The following IFFO1 variants were observed in gnomAD, a reference collection of about 807,000 sequenced individuals.
IFFO1 encodes non-homologous end joining factor IFFO1.
Under a neutral mutation model 59.6 loss-of-function variants are expected in IFFO1, and 42 were observed. That is an observed-to-expected ratio of 0.70 (90% CI 0.55 to 0.91). The LOEUF (loss-of-function observed/expected upper bound fraction) is 0.91, where lower values mean the gene tolerates loss of function less well. IFFO1 is among the 40% of genes least tolerant of loss of function. IFFO1 has a pLI of 0.00. For missense variants in IFFO1, 711 were observed against 793.2 expected (o/e 0.90, Z 1.24); for synonymous variants, 336 against 342.8 (o/e 0.98, Z 0.22).
chr12:6,548,526 C>T lies in IFFO1; in HGVS notation c.1282G>A (p.Asp428Asn). ...TCCCAAGTCAGGCTGTCACAGTCGTCCTCAAAATCATACTCCCTCCTAGAG... is the reference window on the plus strand; with the variant it reads ...TCCCAAGTCAGGCTGTCACAGTCGTTCTCAAAATCATACTCCCTCCTAGAG... The part of the protein sequence containing the change: ...LNQLREYDFE[D>N]DCDSLTWEET... Residue 428 changes from aspartate (D) to asparagine (N), a missense_variant, in exon 7 of 10, where the codon GAC becomes AAC. Asp to Asn is a conservative substitution (Grantham distance 23, BLOSUM62 1). Around this residue, in one of 3 missense-constraint regions of IFFO1, gnomAD observed 579 missense variants for 650.3 expected, o/e 0.89. Coordinates refer to ENST00000619571, the MANE Select transcript of IFFO1 (RefSeq NM_001193457.2). This position sits in a 1 kb window ranked among gnomAD's most constrained non-coding sequence, Gnocchi z 6.1. The T allele has an allele frequency of 1.2e-6, 2 of 1,613,904 alleles. No individual in the cohort carries two copies. The highest frequency in any genetic ancestry group is 1.7e-6 in the Non-Finnish European group (2 of 1,179,874).
In IFFO1 at chr12:6,555,887, G is replaced by C; in HGVS notation, c.143C>G (p.Pro48Arg). 6.3e-7 allele frequency: 1 copy of C among 1,586,898 alleles called. No individual in the cohort carries two copies. The highest frequency in any genetic ancestry group is 8.5e-7 in the Non-Finnish European group (1 of 1,169,752). Residue 48 changes from proline to arginine, a missense_variant, in exon 1 of 10, where the codon CCT (proline) becomes CGT (arginine). By Grantham distance (103) the Pro-to-Arg change is moderately radical. Around this residue, in one of 3 missense-constraint regions of IFFO1, gnomAD observed 114 missense variants for 102.4 expected, o/e 1.11. Coordinates refer to ENST00000619571, the MANE Select transcript of IFFO1 (RefSeq NM_001193457.2). This position sits in a 1 kb window ranked among gnomAD's most constrained non-coding sequence, Gnocchi z 8.6. ...CGGCCCGGGCGGCGAGTAGGCAGCA[G>C]GGCCGGCCGGCGAGAGAGGCGCCGG... is the stretch of plus-strand genomic sequence containing the variant. ...LPPAPLSPAG[P>R]AAYSPPGPGP... is the part of the protein sequence containing the mutation.
Position 6,541,670 on chromosome 12 carries a change from G to A in IFFO1, c.1480-28C>T. The A allele has an allele frequency of 6.2e-7, 1 of 1,613,090 alleles. No individual in the cohort carries two copies. The highest frequency in any genetic ancestry group is 1.1e-5 in the South Asian group (1 of 91,064). Reference sequence around the variant, plus strand: ...GTGGTGGGGCAGGCAGGGCCATCGGGGTTAACAGGTGGCGTTCACAGCGCC... The same window carrying A: ...GTGGTGGGGCAGGCAGGGCCATCGGAGTTAACAGGTGGCGTTCACAGCGCC... On this transcript the variant is annotated intron_variant, in intron 8 of 9. Transcript: ENST00000619571. This position sits in a 1 kb window ranked among gnomAD's most constrained non-coding sequence, Gnocchi z 4.8.
chr12:6,548,303 G>A lies in IFFO1; in HGVS notation c.1383+122C>T. On this transcript the variant is annotated intron_variant, in intron 7 of 9. Coordinates refer to ENST00000619571, the MANE Select transcript of IFFO1 (RefSeq NM_001193457.2). This position sits in a 1 kb window ranked among gnomAD's most constrained non-coding sequence, Gnocchi z 6.1. Reference sequence around the variant, plus strand: ...AGAAAAGCAAAAGGATAAAGGAAGAGGGGAGACGCAGGTAGAGGATGACAG... The same window carrying A: ...AGAAAAGCAAAAGGATAAAGGAAGAAGGGAGACGCAGGTAGAGGATGACAG... 1 of 1,321,584 alleles carries A rather than the reference G, an allele frequency of 7.6e-7. No homozygotes were observed. Among genetic ancestry groups the A allele is most frequent in the Non-Finnish European group, 1.1e-6 (1 of 930,600 alleles). 81.9% of individuals were successfully genotyped at this position (1,321,584 alleles called of 1,614,324 possible).
chr12:6,547,588 G>T (rs910756345), intron 8 of IFFO1, among the ~76,000 whole-genome samples: 1 of 152,024 alleles, frequency 6.6e-6, no homozygotes, highest in Non-Finnish European at 1.5e-5. Context: ...GGGTATGGTG[G>T]CACACACCTG....
chr12:6,547,485 G>T (rs532202604), intron 8 of IFFO1, among the ~76,000 whole-genome samples: 1 of 152,282 alleles, frequency 6.6e-6, no homozygotes, highest in East Asian at 1.9e-4. Flanking sequence ...GGAGGCCGAG[G>T]CAGGAGGATC....
In IFFO1 at chr12:6,555,912, G is replaced by A. The variant is rs770633462; in HGVS notation, c.118C>T (p.Pro40Ser). The A allele has an allele frequency of 7.1e-6, 11 of 1,553,124 alleles. No homozygotes were observed. The African/African-American group carries it at 1.4e-4, about 19-fold the overall frequency. Residue 40 changes from proline (P) to serine (S), a missense_variant, in exon 1 of 10, where the codon CCG (proline) becomes TCG (serine). Around this residue, in one of 3 missense-constraint regions of IFFO1, gnomAD observed 114 missense variants for 102.4 expected, o/e 1.11. Coordinates refer to ENST00000619571, the MANE Select transcript of IFFO1 (RefSeq NM_001193457.2). This position sits in a 1 kb window ranked among gnomAD's most constrained non-coding sequence, Gnocchi z 8.6. ...DHFAGGGDLP[P>S]APLSPAGPAA... Reference sequence around the variant, plus strand: ...GGGCCGGCCGGCGAGAGAGGCGCCGGGGGCAAGTCTCCTCCCCCGGCGAAG... The same window carrying A: ...GGGCCGGCCGGCGAGAGAGGCGCCGAGGGCAAGTCTCCTCCCCCGGCGAAG...
At chr12:6,552,873 T>C (rs1252250178) in intron 1 of IFFO1, among the ~76,000 whole-genome samples, 2 of 152,334 alleles carry the variant, frequency 1.3e-5, no homozygotes, top group Middle Eastern at 3.4e-3. Context: ...GTCTCACTTA[T>C]AAGGTTCCCT....
chr12:6,545,743 C>T (rs1592207852), intron 8 of IFFO1, among the ~76,000 whole-genome samples: 1 of 151,118 alleles, frequency 6.6e-6, no homozygotes, highest in East Asian at 1.9e-4. Context: ...AGGACATGAA[C>T]CCTCCCTCTG....
downstream of IFFO1, chr12:6,538,977 G>C (rs1046866150): frequency 2.0e-5 from 3 of 152,228 alleles, no homozygotes; most frequent in African/African-American, 7.2e-5. Context: ...TAGTTTTGAG[G>C]AAGATGAACT....
intron 1 of IFFO1, among the ~76,000 whole-genome samples, chr12:6,554,447 C>CA (rs1947354470): frequency 6.6e-6 from 1 of 152,236 alleles, no homozygotes; most frequent in Non-Finnish European, 1.5e-5. Flanking sequence ...CCTGGCATCA[C>CA]ATCCCTTTCC....
At position 6,541,123 on chromosome 12, in the gene IFFO1, T is replaced by C. The variant is rs1340533475; in HGVS notation, c.1610+389A>G. Among the ~76,000 whole-genome samples the C allele has an allele frequency of 6.6e-6, 1 of 152,070 alleles. No homozygotes were observed. The highest frequency in any genetic ancestry group is 1.5e-5 in the Non-Finnish European group (1 of 68,018). On this transcript the variant is annotated intron_variant, in intron 9 of 9. Transcript: ENST00000619571. The surrounding 1 kb of genome is among the most constrained non-coding windows in gnomAD (Gnocchi z 4.8). Reference sequence around the variant, plus strand: ...GCCTTGGCTTTATGTCTATCTGCAGTATTTTTGTGATTTTTAAAAATTCAC... The same window carrying C: ...GCCTTGGCTTTATGTCTATCTGCAGCATTTTTGTGATTTTTAAAAATTCAC...
Position 6,549,414 on chromosome 12 carries a change from G to T in IFFO1, c.1080+62C>A. 1 of 1,601,164 alleles carries T rather than the reference G, an allele frequency of 6.2e-7. No homozygotes were observed. Among genetic ancestry groups the T allele is most frequent in the Non-Finnish European group, 8.6e-7 (1 of 1,168,556 alleles). Reference sequence around the variant, plus strand: ...AGCGGGCCCAAACTGAGGGCCAGGAGGCCTAGGCAGCTTAGAAACTGGGAC... The same window carrying T: ...AGCGGGCCCAAACTGAGGGCCAGGATGCCTAGGCAGCTTAGAAACTGGGAC... On this transcript the variant is annotated intron_variant, in intron 5 of 9. Transcript: ENST00000619571. The surrounding 1 kb of genome is among the most constrained non-coding windows in gnomAD (Gnocchi z 5.0).
At chr12:6,552,941 T>G (rs1947294925) in intron 1 of IFFO1, among the ~76,000 whole-genome samples, 1 of 152,140 alleles carries the variant, frequency 6.6e-6, no homozygotes, top group South Asian at 2.1e-4. Context: ...CAAATATCTC[T>G]CTTCCAAAAA....
chr12:6,547,143 C>T (rs1207240890), intron 8 of IFFO1, among the ~76,000 whole-genome samples: 1 of 152,206 alleles, frequency 6.6e-6, no homozygotes, highest in Non-Finnish European at 1.5e-5. Flanking sequence ...GGCACAGTGG[C>T]TCATGCCTGT....
Position 6,539,845 on chromosome 12 carries a change from T to C in IFFO1, c.*638A>G, listed in dbSNP as rs1414823661. 6.5e-6 allele frequency: 1 copy of C among 154,808 alleles called. No homozygotes were observed. Among genetic ancestry groups the C allele is most frequent in the Non-Finnish European group, 1.4e-5 (1 of 69,588 alleles). The allele number at this position is 154,808 out of a possible 1,614,324, so 9.6% of individuals were successfully genotyped here. ...ACCTCCCTTCAAAACACTGTGCCCATCCCGGGCACTAAGGCCTCTTTAAAG... is the reference window on the plus strand; with the variant it reads ...ACCTCCCTTCAAAACACTGTGCCCACCCCGGGCACTAAGGCCTCTTTAAAG... On this transcript the variant is annotated 3_prime_UTR_variant, in exon 10 of 10. Transcript: ENST00000619571.
chr12:6,551,136 A>G (rs1947215263), intron 1 of IFFO1, 135 bp from the exon 2 acceptor site: 1 of 853,700 alleles, frequency 1.2e-6, no homozygotes, highest in Non-Finnish European at 1.8e-6. Context: ...AGCAGGGCAC[A>G]GGAATGCCTG....
At position 6,539,601 on chromosome 12, in the gene IFFO1, T is replaced by C. The variant is rs1215098134; in HGVS notation, c.*882A>G. On this transcript the variant is annotated 3_prime_UTR_variant, in exon 10 of 10. Coordinates refer to ENST00000619571, the MANE Select transcript of IFFO1 (RefSeq NM_001193457.2). ...AATGTCAGCTCAACACAGCCTCCTA[T>C]ACCGAGGCATTGTGAACCGCATCTC... is the stretch of plus-strand genomic sequence containing the variant. 1.3e-5 allele frequency: 2 copies of C among 152,256 alleles called. No individual in the cohort carries two copies. The highest frequency in any genetic ancestry group is 2.9e-5 in the Non-Finnish European group (2 of 68,068). The allele number at this position is 152,256 out of a possible 1,614,324, so 9.4% of individuals were successfully genotyped here. A position where few individuals can be genotyped will look rare whatever the true frequency, so the allele number is the denominator to read the frequency against.
intron 1 of IFFO1, chr12:6,551,814 T>C (rs547146439): frequency 3.4e-6 from 1 of 298,338 alleles, no homozygotes; most frequent in East Asian, 8.7e-5. Flanking sequence ...AGATTAAGAC[T>C]GCAAGTGGGC....
Position 6,541,669 on chromosome 12 carries a change from G to A in IFFO1, c.1480-27C>T. The A allele has an allele frequency of 6.2e-7, 1 of 1,613,170 alleles. No individual in the cohort carries two copies. The highest frequency in any genetic ancestry group is 1.7e-5 in the Admixed American group (1 of 60,028). ...TGTGGTGGGGCAGGCAGGGCCATCG[G>A]GGTTAACAGGTGGCGTTCACAGCGC... On this transcript the variant is annotated intron_variant, in intron 8 of 9. Coordinates refer to ENST00000619571, the MANE Select transcript of IFFO1 (RefSeq NM_001193457.2). This position sits in a 1 kb window ranked among gnomAD's most constrained non-coding sequence, Gnocchi z 4.8.
Sources: gnomAD v4.1 joint callset for allele counts (sites outside exome capture counted in the v4.1 genomes callset) on GRCh38, gnomAD v4.1.1 for gene constraint, gnomAD v4.1.1 regional missense constraint, Gnocchi (gnomAD v3.1) non-coding constraint, MANE v1.5 for transcripts, NCBI Gene and HGNC (gene_info 2026-07-23, HGNC 2026-07-21) for gene names.